VEPH1: variants seen among roughly 807,000 people sequenced by gnomAD.
VEPH1 encodes ventricular zone-expressed PH domain-containing protein homolog 1.
VEPH1 carries 80 observed loss-of-function variants against 85.2 expected under a neutral mutation model. That is an observed-to-expected ratio of 0.94 (90% CI 0.78 to 1.13). The LOEUF is 1.13. VEPH1 is among the 50% of genes most tolerant of loss of function. The probability of loss-of-function intolerance (pLI) is 0.00; values close to 1 mark genes in which losing one functional copy is unlikely to be tolerated. For synonymous variants in VEPH1, 297 were observed against 348.0 expected (o/e 0.85, Z 1.63); for missense variants, 955 against 980.5 (o/e 0.97, Z 0.35).
chr3:157,486,261 A>AC (rs1415210317), intron 2 of VEPH1, among the ~76,000 whole-genome samples: 1 of 151,808 alleles, frequency 6.6e-6, no homozygotes, highest in Non-Finnish European at 1.5e-5. Flanking sequence ...ACTTTGAGAG[A>AC]CCGAGGCGGG....
intron 6 of VEPH1, chr3:157,409,849 C>G (rs1731406442): frequency 3.0e-6 from 3 of 985,266 alleles, no homozygotes; most frequent in Non-Finnish European, 3.6e-6. Flanking sequence ...AAATTCTGGA[C>G]TGAAGATTGC....
intron 6 of VEPH1, among the ~76,000 whole-genome samples, chr3:157,384,614 C>T (rs1014310249): frequency 6.6e-6 from 1 of 152,118 alleles, no homozygotes; most frequent in South Asian, 2.1e-4. Context: ...TCTGAATGAT[C>T]GCTGGCAGCC....
intron 11 of VEPH1, among the ~76,000 whole-genome samples, chr3:157,307,354 C>T (rs915766680): frequency 2.0e-5 from 3 of 151,754 alleles, no homozygotes; most frequent in African/African-American, 7.3e-5. Flanking sequence ...AGATAACTTT[C>T]GATATTTTCT....
At chr3:157,276,015 C>A (rs1715347702) in intron 12 of VEPH1, among the ~76,000 whole-genome samples, 1 of 152,108 alleles carries the variant, frequency 6.6e-6, no homozygotes, top group African/African-American at 2.4e-5. Flanking sequence ...TAACAAATGG[C>A]ATGTTTCTTA....
At position 157,264,767 on chromosome 3, in the gene VEPH1, G is replaced by GC. The variant is rs561339020; in HGVS notation, c.2265+758dup. Among the ~76,000 whole-genome samples, 1,043 of 152,236 alleles carry GC rather than the reference G, an allele frequency of 6.9e-3. 9 individuals carry two copies. The highest frequency in any genetic ancestry group is 7.2e-3 in the Non-Finnish European group (488 of 68,016). On this transcript the variant is annotated intron_variant, in intron 13 of 13. Coordinates refer to ENST00000362010, the MANE Select transcript of VEPH1 (RefSeq NM_001167912.2). Reference sequence around the variant, plus strand: ...GTTGCATAGTAGGCACTGAAAAAATGCTAGTCATTATGATTATTTTCTAAA... The same window carrying GC: ...GTTGCATAGTAGGCACTGAAAAAATGCCTAGTCATTATGATTATTTTCTAAA...
chr3:157,263,552 G>A (rs955987462), intron 13 of VEPH1, among the ~76,000 whole-genome samples: 7 of 151,734 alleles, frequency 4.6e-5, no homozygotes, highest in Admixed American at 3.9e-4. Context: ...CTTTAAACAT[G>A]CTTTAGTGTG....
chr3:157,284,602 CT>C (rs1716540739), intron 12 of VEPH1, among the ~76,000 whole-genome samples: 1 of 150,978 alleles, frequency 6.6e-6, no homozygotes, highest in Non-Finnish European at 1.5e-5. Context: ...AATTTAAGTG[CT>C]TATATAAAAA....
chr3:157,503,600 T>C (rs1290839958), upstream of VEPH1: 1 of 152,232 alleles, frequency 6.6e-6, no homozygotes, highest in African/African-American at 2.4e-5. Context: ...ATCTGTAGTT[T>C]GAAAGAATTA....
chr3:157,277,034 C>T (rs1715488277), intron 12 of VEPH1, among the ~76,000 whole-genome samples: 1 of 152,046 alleles, frequency 6.6e-6, no homozygotes, highest in Non-Finnish European at 1.5e-5. Context: ...GCTGGGACTA[C>T]AGGCATGCGC....
chr3:157,357,992 C>T (rs1243034315), intron 9 of VEPH1, among the ~76,000 whole-genome samples: 6 of 152,096 alleles, frequency 3.9e-5, no homozygotes, highest in Admixed American at 6.6e-5. Context: ...GTTACACGCC[C>T]GAGTCTTGCA....
At chr3:157,298,460 T>C (rs1407182343) in intron 11 of VEPH1, among the ~76,000 whole-genome samples, 1 of 152,196 alleles carries the variant, frequency 6.6e-6, no homozygotes, top group African/African-American at 2.4e-5. Flanking sequence ...TGAATATTAT[T>C]TGCAAAATCT....
intron 2 of VEPH1, among the ~76,000 whole-genome samples, chr3:157,472,566 T>C (rs1270235820): frequency 6.6e-6 from 1 of 152,186 alleles, no homozygotes; most frequent in Non-Finnish European, 1.5e-5. Context: ...AAGTTTGTTA[T>C]TTAGGTAAAC....
chr3:157,474,258 A>ATGT (rs1240195760), intron 2 of VEPH1, among the ~76,000 whole-genome samples: 2 of 151,868 alleles, frequency 1.3e-5, no homozygotes, highest in African/African-American at 4.8e-5. Context: ...TTTTATTGCT[A>ATGT]TGTAATTTAA....
chr3:157,283,815 C>T (rs872652), intron 12 of VEPH1, among the ~76,000 whole-genome samples: 84,266 of 152,062 alleles, frequency 0.55, 23,572 homozygotes, highest in Admixed American at 0.64. Flanking sequence ...AAAACAATTA[C>T]TGTATCATTT....
At chr3:157,370,655 A>G (rs1263788396) in intron 7 of VEPH1, among the ~76,000 whole-genome samples, 1 of 152,182 alleles carries the variant, frequency 6.6e-6, no homozygotes, top group Non-Finnish European at 1.5e-5. Context: ...TCTGCCTCTG[A>G]CCTGCTCAGT....
chr3:157,272,628 TA>T (rs1176857770), intron 12 of VEPH1, among the ~76,000 whole-genome samples: 2 of 86,824 alleles, frequency 2.3e-5, no homozygotes, highest in African/African-American at 9.1e-5. Flanking sequence ...TGGCTGGTTT[TA>T]AAAATTTTTT....
intron 4 of VEPH1, among the ~76,000 whole-genome samples, chr3:157,455,234 C>T (rs995856346): frequency 5.9e-5 from 9 of 152,198 alleles, no homozygotes; most frequent in African/African-American, 2.2e-4. Flanking sequence ...GTTCTCTTTT[C>T]TCTGCAGCCT....
chr3:157,472,431 A>G (rs1310634033), intron 2 of VEPH1, among the ~76,000 whole-genome samples: 1 of 152,158 alleles, frequency 6.6e-6, no homozygotes, highest in African/African-American at 2.4e-5. Context: ...ATCAGATTCT[A>G]TTTCAGGGCT....
intron 12 of VEPH1, chr3:157,284,841 A>C (rs952292780): frequency 6.6e-6 from 1 of 152,208 alleles, no homozygotes; most frequent in Non-Finnish European, 1.5e-5. Flanking sequence ...TTTTATTGCT[A>C]TATGTTCTCA....
Sources: gnomAD v4.1 joint callset for allele counts (sites outside exome capture counted in the v4.1 genomes callset) on GRCh38, gnomAD v4.1.1 for gene constraint, MANE v1.5 for transcripts, NCBI Gene and HGNC (gene_info 2026-07-23, HGNC 2026-07-21) for gene names.